Variants in SDK1 observed in about 807,000 individuals in gnomAD.
SDK1 encodes protein sidekick-1.
In SDK1, 157 loss-of-function variants were observed where a neutral mutation model predicts 245.5. The ratio of observed to expected loss-of-function variants is 0.64; its 90% CI spans 0.56 to 0.73. SDK1 has a LOEUF of 0.73. Among genes scored for constraint, SDK1 ranks in the 30% least tolerant of loss-of-function variants. The pLI, the probability that SDK1 is intolerant of heterozygous loss-of-function variation, is 0.00. For missense variants in SDK1, 3,583 were observed against 3,002.3 expected, an observed-to-expected ratio of 1.19 and a Z score of -4.52; for synonymous variants, 1,647 against 1,278.5, an observed-to-expected ratio of 1.29 and a Z score of -6.15.
chr7:3,827,796 C>G (rs889798844), intron 5 of SDK1, among the ~76,000 whole-genome samples: 1 of 152,058 alleles, frequency 6.6e-6, no homozygotes, highest in African/African-American at 2.4e-5. Flanking sequence ...ATGGCCAGGC[C>G]ACATATTGAG....
Position 4,140,041 on chromosome 7 carries a change from C to T in SDK1, c.4229-5681C>T, listed in dbSNP as rs539137808. Among the ~76,000 whole-genome samples the T allele has an allele frequency of 5.3e-5, 8 of 152,274 alleles. No individual in the cohort carries two copies. The East Asian group carries it at 1.5e-3, about 29-fold the overall frequency. ...CGGTGATTCCTGCCAGGCCCACACT[C>T]TGGAAGTGTGACCTCCAGAGTGCCT... On this transcript the variant is annotated intron_variant, in intron 28 of 44. Coordinates refer to ENST00000404826, the MANE Select transcript of SDK1 (RefSeq NM_152744.4).
chr7:4,245,879 G>T (rs1583166764), intron 44 of SDK1, 74 bp downstream of exon 44: 1 of 1,569,604 alleles, frequency 6.4e-7, no homozygotes, highest in Non-Finnish European at 8.7e-7. Flanking sequence ...GCCCCCTCAG[G>T]CTGTCTTGTC....
intron 5 of SDK1, among the ~76,000 whole-genome samples, chr7:3,923,039 C>T (rs76084314): frequency 1.2e-4 from 18 of 152,262 alleles, no homozygotes; most frequent in East Asian, 5.8e-4. Context: ...TCTGTTCTTT[C>T]GAGCTTCTGT....
chr7:4,206,229 A>T (rs1784216266), intron 36 of SDK1, among the ~76,000 whole-genome samples: 1 of 152,082 alleles, frequency 6.6e-6, no homozygotes. Context: ...CCACCACAAA[A>T]CAACCCAGGT....
chr7:4,193,043 A>T (rs994154850), intron 35 of SDK1, among the ~76,000 whole-genome samples: 39 of 142,254 alleles, frequency 2.7e-4, no homozygotes, highest in Non-Finnish European at 5.4e-4. Flanking sequence ...TATATAAGAT[A>T]CAAAAATATA....
At chr7:4,175,529 T>A (rs1782144007) in intron 33 of SDK1, among the ~76,000 whole-genome samples, 1 of 152,222 alleles carries the variant, frequency 6.6e-6, no homozygotes, top group Admixed American at 6.5e-5. Flanking sequence ...ATCAGAGTGG[T>A]AAGCACACCC....
chr7:4,205,783 A>C, intron 35 of SDK1, 96 bp from the exon 36 acceptor site: 4 of 974,912 alleles, frequency 4.1e-6, no homozygotes, highest in Non-Finnish European at 6.3e-6. Flanking sequence ...TCCCAGCGGA[A>C]TTAGGGCATG....
chr7:3,808,935 A>G lies in SDK1; in HGVS notation c.714-12515A>G, dbSNP rs552113387. On this transcript the variant is annotated intron_variant, in intron 4 of 44. Transcript: ENST00000404826. ...TGGTGTTTGTGCGTGAGCATGATCT[A>G]TCCCTGTAGTTAGGGGAGCCTGTGT... Among the ~76,000 whole-genome samples the G allele has an allele frequency of 2.6e-5, 4 of 152,334 alleles. No individual in the cohort carries two copies. In the South Asian group the frequency reaches 6.2e-4, roughly 24 times the overall value.
At chr7:4,144,614 T>C (rs1233587680) in intron 28 of SDK1, among the ~76,000 whole-genome samples, 2 of 151,778 alleles carry the variant, frequency 1.3e-5, no homozygotes, top group Non-Finnish European at 2.9e-5. Flanking sequence ...GGAGGATGCC[T>C]GTGAGCTCGG....
chr7:3,843,459 T>C lies in SDK1; in HGVS notation c.847+21876T>C, dbSNP rs1276974790. ...TGTTACATTCCTATCACCCGCAAAA[T>C]AGGACTTGACTCTTTCTTCCTCAAA... On this transcript the variant is annotated intron_variant, in intron 5 of 44. Transcript: ENST00000404826. Among the ~76,000 whole-genome samples the C allele has an allele frequency of 3.9e-5, 6 of 152,372 alleles. No individual in the cohort carries two copies. The East Asian group carries it at 1.2e-3, about 29-fold the overall frequency.
intron 4 of SDK1, among the ~76,000 whole-genome samples, chr7:3,659,935 G>A (rs1052395480): frequency 6.6e-6 from 1 of 152,140 alleles, no homozygotes; most frequent in African/African-American, 2.4e-5. Flanking sequence ...GAGCCCTTGG[G>A]GGAATCTTTT....
intron 1 of SDK1, among the ~76,000 whole-genome samples, chr7:3,512,734 A>G (rs973057959): frequency 3.9e-5 from 6 of 152,110 alleles, no homozygotes; most frequent in Non-Finnish European, 7.4e-5. Flanking sequence ...TTTTAAAGGT[A>G]TTATTTCCTT....
chr7:3,799,716 A>C (rs1009863096), intron 4 of SDK1, among the ~76,000 whole-genome samples: 1 of 151,202 alleles, frequency 6.6e-6, no homozygotes, highest in African/African-American at 2.4e-5. Context: ...AAAAAAAAAA[A>C]AAAAAAATGA....
At chr7:3,389,510 C>G (rs937806142) in intron 1 of SDK1, among the ~76,000 whole-genome samples, 1 of 152,140 alleles carries the variant, frequency 6.6e-6, no homozygotes, top group Non-Finnish European at 1.5e-5. Context: ...TTCCTTTAGA[C>G]TCATATTTTG....
intron 4 of SDK1, among the ~76,000 whole-genome samples, chr7:3,798,430 G>A (rs1457736197): frequency 1.3e-5 from 2 of 151,968 alleles, no homozygotes; most frequent in South Asian, 2.1e-4. Flanking sequence ...TGTTAGCCAT[G>A]ATGGTCTTGA....
chr7:4,095,562 A>G (rs35898917), intron 22 of SDK1, among the ~76,000 whole-genome samples: 48,108 of 151,734 alleles, frequency 0.32, 9,298 homozygotes, highest in African/African-American at 0.54. Context: ...ATTTATTTTT[A>G]ATTTTTATTT....
chr7:3,799,381 C>T lies in SDK1; in HGVS notation c.714-22069C>T, dbSNP rs759619696. 1.4e-3 allele frequency among the ~76,000 whole-genome samples: 216 copies of T among 151,756 alleles called. 3 individuals carry two copies. Among genetic ancestry groups the T allele is most frequent in the Middle Eastern group, 0.014 (4 of 294 alleles). On this transcript the variant is annotated intron_variant, in intron 4 of 44. Transcript: ENST00000404826. ...TTCTAAGTTATTCACTTAGGCTTCT[C>T]GGTGTTGAAGGCATACGAATATGTT...
chr7:3,464,141 C>G (rs566329152), intron 1 of SDK1, among the ~76,000 whole-genome samples: 1 of 152,200 alleles, frequency 6.6e-6, no homozygotes, highest in African/African-American at 2.4e-5. Context: ...ACTGACGCAT[C>G]GTTCCCTGAG....
chr7:3,350,282 CTG>C (rs1583723342), intron 1 of SDK1, among the ~76,000 whole-genome samples: 1 of 151,874 alleles, frequency 6.6e-6, no homozygotes, highest in East Asian at 1.9e-4. Context: ...TTATCAGTGT[CTG>C]TGTGGGCGTT....
Sources: gnomAD v4.1 joint callset for allele counts (sites outside exome capture counted in the v4.1 genomes callset) on GRCh38, gnomAD v4.1.1 for gene constraint, MANE v1.5 for transcripts, NCBI Gene and HGNC (gene_info 2026-07-23, HGNC 2026-07-21) for gene names.